Variants in RGS12 observed in about 807,000 individuals in gnomAD.
The protein encoded by RGS12 is regulator of G protein signaling 12, also known as regulator of G-protein signaling 12.
RGS12 carries 66 observed loss-of-function variants against 120.1 expected under a neutral mutation model. That is an observed-to-expected ratio of 0.55 (90% CI 0.45 to 0.67). RGS12 has a LOEUF of 0.67. Ranked by LOEUF, RGS12 falls within the 30% of genes least tolerant of loss-of-function variation. The probability of loss-of-function intolerance (pLI) is 0.00; values close to 1 mark genes in which losing one functional copy is unlikely to be tolerated. For missense variants in RGS12, 1,859 were observed against 1,957.7 expected, an observed-to-expected ratio of 0.95 and a Z score of 0.95; for synonymous variants, 827 against 804.7, an observed-to-expected ratio of 1.03 and a Z score of -0.47.
intron 9 of RGS12, chr4:3,417,910 A>G (rs1223953719): frequency 1.0e-5 from 2 of 197,702 alleles, no homozygotes; most frequent in Non-Finnish European, 2.1e-5. Flanking sequence ...AATCAAGTAA[A>G]AATAGGAACA....
At chr4:3,422,604 A>G in intron 11 of RGS12, 34 bp downstream of exon 11, 1 of 1,593,242 alleles carries the variant, frequency 6.3e-7, no homozygotes, top group Non-Finnish European at 8.5e-7. Flanking sequence ...TGCTGCCCTC[A>G]GGCCATGACC....
chr4:3,339,855 G>A (rs940676442), intron 2 of RGS12, among the ~76,000 whole-genome samples: 1 of 152,206 alleles, frequency 6.6e-6, no homozygotes, highest in Non-Finnish European at 1.5e-5. Context: ...GCACACTAAT[G>A]TGTGAGCCCT....
chr4:3,291,821 T>C (rs896261182), upstream of RGS12, among the ~76,000 whole-genome samples: 6 of 152,168 alleles, frequency 3.9e-5, no homozygotes, highest in African/African-American at 1.2e-4. Context: ...CCTGTCCCAA[T>C]TCAGCACCGC....
intron 2 of RGS12, among the ~76,000 whole-genome samples, chr4:3,323,822 A>G (rs899851599): frequency 2.6e-5 from 4 of 151,642 alleles, no homozygotes; most frequent in Non-Finnish European, 5.9e-5. Context: ...CTCACCAAAG[A>G]GGTTTTCTAG....
intron 2 of RGS12, among the ~76,000 whole-genome samples, chr4:3,340,674 A>G (rs917531021): frequency 6.6e-6 from 1 of 152,218 alleles, no homozygotes; most frequent in African/African-American, 2.4e-5. Context: ...GGTTCCCTCC[A>G]AAGAGTGTCT....
At chr4:3,293,368 C>A (rs1723161004) in intron 1 of RGS12, among the ~76,000 whole-genome samples, 1 of 146,146 alleles carries the variant, frequency 6.8e-6, no homozygotes, top group Non-Finnish European at 1.5e-5. Flanking sequence ...GGGCCTCCGG[C>A]CGGGCGGGTG....
At chr4:3,424,702 C>T (rs1312625449) in intron 13 of RGS12, among the ~76,000 whole-genome samples, 3 of 152,314 alleles carry the variant, frequency 2.0e-5, no homozygotes, top group East Asian at 1.9e-4. Context: ...ATGGAGGATT[C>T]GTGTGGAATG....
upstream of RGS12, among the ~76,000 whole-genome samples, chr4:3,290,888 A>G (rs1227034052): frequency 6.6e-6 from 1 of 152,168 alleles, no homozygotes; most frequent in Non-Finnish European, 1.5e-5. Context: ...ACCTTTTCAA[A>G]ACCTTCCAGC....
In RGS12 at chr4:3,423,609, G is replaced by A. The variant is rs1234378063; in HGVS notation, c.3202G>A (p.Gly1068Ser). The change falls in exon 13 of 18, where the codon GGC becomes AGC. Residue 1068 changes from glycine to serine, a missense_variant. Physicochemically the swap from Gly to Ser is moderately conservative, Grantham distance 56. Transcript: ENST00000336727. ...GCTGCGGCCCGTGGTGGCCAGATAC[G>A]GCCTGGACCTCAGTGGCCTGCTGGT... ...EVLRPVVARY[G>S]LDLSGLLVRL... 10 of 1,611,228 alleles carry A rather than the reference G, an allele frequency of 6.2e-6. No homozygotes were observed. The highest frequency in any genetic ancestry group is 8.5e-6 in the Non-Finnish European group (10 of 1,179,858).
chr4:3,384,709 G>T (rs923099269), intron 3 of RGS12, among the ~76,000 whole-genome samples: 1 of 152,240 alleles, frequency 6.6e-6, no homozygotes, highest in Non-Finnish European at 1.5e-5. Context: ...TCACTACTGG[G>T]AAGTGGGTTG....
intron 4 of RGS12, among the ~76,000 whole-genome samples, chr4:3,404,125 A>C (rs1720875132): frequency 2.0e-5 from 3 of 152,212 alleles, no homozygotes; most frequent in Non-Finnish European, 4.4e-5. Flanking sequence ...CCTTTGTTAC[A>C]ATTTTCCAGC....
chr4:3,415,897 C>T (rs756873330), intron 6 of RGS12, 81 bp from the exon 7 acceptor site: 56 of 1,476,076 alleles, frequency 3.8e-5, no homozygotes, highest in African/African-American at 5.6e-5. Flanking sequence ...CTGTAGAGCC[C>T]GGGGGTGTCG....
chr4:3,435,572 C>T, intron 17 of RGS12, among the ~76,000 whole-genome samples: 1 of 151,218 alleles, frequency 6.6e-6, no homozygotes, highest in East Asian at 2.0e-4. Flanking sequence ...AGCCCCGTCT[C>T]CCCAGAGCCC....
chr4:3,398,952 A>G (rs1378819352), intron 4 of RGS12, among the ~76,000 whole-genome samples: 1 of 152,244 alleles, frequency 6.6e-6, no homozygotes, highest in Non-Finnish European at 1.5e-5. Context: ...TCCTGACAGC[A>G]GTGTATTTGA....
At chr4:3,424,915 G>T (rs1323157349) in intron 13 of RGS12, among the ~76,000 whole-genome samples, 1 of 152,214 alleles carries the variant, frequency 6.6e-6, no homozygotes, top group East Asian at 1.9e-4. Context: ...TTGGACAGCT[G>T]TCATTCCCCT....
intron 9 of RGS12, chr4:3,419,566 C>T (rs1350157693): frequency 2.6e-5 from 4 of 151,960 alleles, no homozygotes; most frequent in Non-Finnish European, 5.9e-5. Flanking sequence ...TAAATCCCAG[C>T]GCTTTGGCGG....
At position 3,363,112 on chromosome 4, in the gene RGS12, T is replaced by A. The variant is rs536269784; in HGVS notation, c.1998+20059T>A. Among the ~76,000 whole-genome samples, 9 of 151,006 alleles carry A rather than the reference T, an allele frequency of 6.0e-5. No individual in the cohort carries two copies. In the East Asian group the frequency reaches 7.8e-4, roughly 13 times the overall value. On this transcript the variant is annotated intron_variant, in intron 3 of 17. Coordinates refer to ENST00000336727, the MANE Select transcript of RGS12 (RefSeq NM_001394154.1). ...AGGCGTGTGTATGTGAGTGTGTGTG[T>A]GAGAGTGCGCATCAGTGAGTGTGGG...
chr4:3,321,443 T>A (rs1278923145), intron 2 of RGS12, among the ~76,000 whole-genome samples: 1 of 152,182 alleles, frequency 6.6e-6, no homozygotes, highest in Non-Finnish European at 1.5e-5. Context: ...ATTGAGCCCC[T>A]GGGCAGGAGC....
intron 9 of RGS12, 82 bp downstream of exon 9, chr4:3,417,623 T>C: frequency 2.7e-6 from 4 of 1,501,646 alleles, no homozygotes; most frequent in Non-Finnish European, 3.7e-6. Flanking sequence ...TGGTTGGCGG[T>C]GACCTTGGGC....
Sources: gnomAD v4.1 joint callset for allele counts (sites outside exome capture counted in the v4.1 genomes callset) on GRCh38, gnomAD v4.1.1 for gene constraint, MANE v1.5 for transcripts, NCBI Gene and HGNC (gene_info 2026-07-23, HGNC 2026-07-21) for gene names.